The following GLG1 variants were observed in gnomAD, a reference collection of about 807,000 sequenced individuals.
GLG1 encodes Golgi apparatus protein 1.
Under a neutral mutation model 160.5 loss-of-function variants are expected in GLG1, and 38 were observed. The ratio of observed to expected loss-of-function variants is 0.24; its 90% confidence interval spans 0.18 to 0.31. GLG1 has a LOEUF of 0.31. GLG1 is among the 10% of genes least tolerant of loss of function. The pLI, the probability that GLG1 is intolerant of heterozygous loss-of-function variation, is 1.00. For missense variants in GLG1, 1,373 were observed against 1,505.2 expected (o/e 0.91, Z 1.45); for synonymous variants, 644 against 543.4 (o/e 1.19, Z -2.57).
At chr16:74,605,788 T>C (rs1159718204) in intron 1 of GLG1, among the ~76,000 whole-genome samples, 2 of 152,172 alleles carry the variant, frequency 1.3e-5, no homozygotes, top group South Asian at 2.1e-4. Context: ...ATTCTATTTG[T>C]CCACCTTTAG....
intron 1 of GLG1, among the ~76,000 whole-genome samples, chr16:74,580,503 A>T (rs1407678060): frequency 6.6e-6 from 1 of 152,176 alleles, no homozygotes; most frequent in African/African-American, 2.4e-5. Context: ...TATTTCAAAA[A>T]GAAAAATTTT....
intron 22 of GLG1, 29 bp downstream of exon 22, chr16:74,462,065 G>T (rs372055830): frequency 9.5e-6 from 11 of 1,162,346 alleles, no homozygotes; most frequent in Non-Finnish European, 1.3e-5. Flanking sequence ...GCAGCTCTGT[G>T]CGTAACCAGT....
intron 1 of GLG1, among the ~76,000 whole-genome samples, chr16:74,583,843 A>T (rs77208566): frequency 0.13 from 19,246 of 152,154 alleles, 1,670 homozygotes; most frequent in Admixed American, 0.24. Flanking sequence ...GTCTTTTAGA[A>T]GGGGGAGCTG....
At chr16:74,585,431 G>A (rs1332979330) in intron 1 of GLG1, among the ~76,000 whole-genome samples, 1 of 152,010 alleles carries the variant, frequency 6.6e-6, no homozygotes, top group Non-Finnish European at 1.5e-5. Flanking sequence ...AAGAGGCCGG[G>A]CCTGGTGGCT....
In GLG1 at chr16:74,480,385, A is replaced by T. The variant is rs142527758; in HGVS notation, c.1683T>A (p.Pro561=). 1.1e-3 allele frequency: 1,765 copies of T among 1,611,654 alleles called. No homozygotes were observed. Among genetic ancestry groups the T allele is most frequent in the Non-Finnish European group, 1.3e-3 (1,534 of 1,178,596 alleles). Residue 561 remains proline (P), a synonymous_variant, in exon 11 of 26, where the codon CCT becomes CCA. Transcript: ENST00000422840. ...YFISRDWKLD[P]VLYRKCQGDA... is the part of the protein sequence containing the mutation. ...CTCCCTGGCACTTGCGGTACAGGAC[A>T]GGGTCCAGCCTATAAGGTTAAGAGT...
At position 74,553,058 on chromosome 16, in the gene GLG1, A is replaced by T. The variant is rs182370194; in HGVS notation, c.439-20905T>A. 2.8e-3 allele frequency among the ~76,000 whole-genome samples: 428 copies of T among 152,112 alleles called. 1 individual carries two copies. The highest frequency in any genetic ancestry group is 5.5e-3 in the Admixed American group (84 of 15,274). On this transcript the variant is annotated intron_variant, in intron 1 of 25. Coordinates refer to ENST00000422840, the MANE Select transcript of GLG1 (RefSeq NM_001145667.2). Reference sequence around the variant, plus strand: ...ACATGATGAAACCCTGTCTTTACTAAAAATACAAAAAATTAGTCGGGTGTG... The same window carrying T: ...ACATGATGAAACCCTGTCTTTACTATAAATACAAAAAATTAGTCGGGTGTG...
chr16:74,556,919 AT>A (rs1381163941), intron 1 of GLG1, among the ~76,000 whole-genome samples: 1 of 151,960 alleles, frequency 6.6e-6, no homozygotes, highest in Non-Finnish European at 1.5e-5. Context: ...TAGCTTTTAA[AT>A]AATACAGCAA....
chr16:74,592,341 C>T (rs1278354807), intron 1 of GLG1, among the ~76,000 whole-genome samples: 2 of 152,096 alleles, frequency 1.3e-5, no homozygotes, highest in Admixed American at 1.3e-4. Flanking sequence ...CAGGGTTTCC[C>T]CCATGTTGCC....
At chr16:74,461,151 C>T (rs975440219) in intron 22 of GLG1, among the ~76,000 whole-genome samples, 1 of 151,752 alleles carries the variant, frequency 6.6e-6, no homozygotes, top group East Asian at 1.9e-4. Context: ...CACTTCCTTA[C>T]GGCCATTATA....
intron 4 of GLG1, among the ~76,000 whole-genome samples, chr16:74,497,258 C>T (rs1363636287): frequency 6.8e-6 from 1 of 147,590 alleles, no homozygotes; most frequent in Non-Finnish European, 1.5e-5. Flanking sequence ...CACTGCACTC[C>T]AGCCTGGGCG....
intron 19 of GLG1, chr16:74,464,084 C>T (rs1477579574): frequency 6.5e-6 from 1 of 152,836 alleles, no homozygotes; most frequent in East Asian, 1.9e-4. Context: ...GAAAGAGCAC[C>T]CCACCCCAAC....
intron 1 of GLG1, among the ~76,000 whole-genome samples, chr16:74,553,428 A>G (rs1049795138): frequency 1.3e-5 from 2 of 150,796 alleles, no homozygotes; most frequent in African/African-American, 4.9e-5. Context: ...AGATAAATAA[A>G]TGGCAATTTT....
intron 7 of GLG1, among the ~76,000 whole-genome samples, chr16:74,492,016 T>C (rs530450939): frequency 3.9e-5 from 6 of 151,908 alleles, no homozygotes; most frequent in Middle Eastern, 3.4e-3. Flanking sequence ...AAGCCAAAAT[T>C]TGAAGCCAAG....
chr16:74,598,809 G>A lies in GLG1; in HGVS notation c.438+7848C>T, dbSNP rs1445388612. Reference sequence around the variant, plus strand: ...TGAGGCAGGAGAATGGCTTGAACCCGAGAGGTGGAGGTTGCAGTGAGTCGA... The same window carrying A: ...TGAGGCAGGAGAATGGCTTGAACCCAAGAGGTGGAGGTTGCAGTGAGTCGA... On this transcript the variant is annotated intron_variant, in intron 1 of 25. Coordinates refer to ENST00000422840, the MANE Select transcript of GLG1 (RefSeq NM_001145667.2). 4.0e-5 allele frequency among the ~76,000 whole-genome samples: 6 copies of A among 150,052 alleles called. No homozygotes were observed. In the South Asian group the frequency reaches 8.5e-4, roughly 21 times the overall value.
chr16:74,512,575 G>C (rs1383859581), intron 2 of GLG1, among the ~76,000 whole-genome samples: 1 of 151,444 alleles, frequency 6.6e-6, no homozygotes, highest in Non-Finnish European at 1.5e-5. Context: ...CAAATCTTAA[G>C]ACATCCATCC....
At chr16:74,496,109 T>G (rs1011408569) in intron 5 of GLG1, among the ~76,000 whole-genome samples, 6 of 152,000 alleles carry the variant, frequency 3.9e-5, no homozygotes, top group Non-Finnish European at 7.4e-5. Context: ...ACAAAAAATT[T>G]TTAAAAAAAT....
At chr16:74,585,489 G>A (rs977002706) in intron 1 of GLG1, among the ~76,000 whole-genome samples, 1 of 152,074 alleles carries the variant, frequency 6.6e-6, no homozygotes, top group Non-Finnish European at 1.5e-5. Context: ...GGCGGATCAT[G>A]AGGTCATGAG....
At chr16:74,529,976 T>TA (rs1033628819) in intron 2 of GLG1, among the ~76,000 whole-genome samples, 42 of 152,020 alleles carry the variant, frequency 2.8e-4, no homozygotes, top group South Asian at 6.2e-4. Flanking sequence ...GACGCCTGGC[T>TA]AATTTTTTTA....
In GLG1 at chr16:74,452,174, T is replaced by A. The variant is rs758217492; in HGVS notation, c.*993A>T. ...GTGAGTCAAACCTCTGGCTCCCACT[T>A]CCTGACCCACTGCTCCCCACACCCA... On this transcript the variant is annotated 3_prime_UTR_variant, in exon 26 of 26. Transcript: ENST00000422840. The A allele has an allele frequency of 4.4e-6, 7 of 1,605,558 alleles. No individual in the cohort carries two copies. The South Asian group carries it at 5.5e-5, about 13-fold the overall frequency.
Sources: gnomAD v4.1 joint callset for allele counts (sites outside exome capture counted in the v4.1 genomes callset) on GRCh38, gnomAD v4.1.1 for gene constraint, MANE v1.5 for transcripts, NCBI Gene and HGNC (gene_info 2026-07-23, HGNC 2026-07-21) for gene names.